Variants in ZFPM2 observed in about 807,000 individuals in gnomAD.
ZFPM2 encodes the protein zinc finger protein ZFPM2.
ZFPM2 carries 20 observed loss-of-function variants against 98.6 expected under a neutral mutation model. That is an observed-to-expected ratio of 0.20 (90% CI 0.14 to 0.29). ZFPM2 has a LOEUF of 0.29. Ranked by LOEUF, ZFPM2 falls within the 10% of genes least tolerant of loss-of-function variation. The pLI is 1.00. For missense variants in ZFPM2, 1,310 were observed against 1,388.6 expected (o/e 0.94, Z 0.90); for synonymous variants, 518 against 502.7 (o/e 1.03, Z -0.41).
intron 3 of ZFPM2, among the ~76,000 whole-genome samples, chr8:105,540,393 T>G (rs983728384): frequency 1.3e-5 from 2 of 152,110 alleles, no homozygotes; most frequent in Non-Finnish European, 2.9e-5. Context: ...CTGCTTCATA[T>G]GGTTTTTATA....
intron 1 of ZFPM2, among the ~76,000 whole-genome samples, chr8:105,363,654 A>G (rs546108370): frequency 6.6e-6 from 1 of 152,166 alleles, no homozygotes; most frequent in Admixed American, 6.5e-5. Context: ...GTCTCTTACC[A>G]TGAGGCCATG....
At chr8:105,517,740 CA>C (rs1273686877) in intron 3 of ZFPM2, among the ~76,000 whole-genome samples, 3 of 151,410 alleles carry the variant, frequency 2.0e-5, no homozygotes, top group East Asian at 2.0e-4. Context: ...CACACACACA[CA>C]CCCCTAGTTG....
intron 4 of ZFPM2, among the ~76,000 whole-genome samples, chr8:105,584,893 T>A (rs1487776599): frequency 6.6e-6 from 1 of 152,162 alleles, no homozygotes; most frequent in Non-Finnish European, 1.5e-5. Flanking sequence ...AGGTAGAACG[T>A]TGGTTATGAT....
chr8:105,660,651 T>C (rs1817370806), intron 5 of ZFPM2, among the ~76,000 whole-genome samples: 1 of 152,198 alleles, frequency 6.6e-6, no homozygotes, highest in Non-Finnish European at 1.5e-5. Context: ...AAACATGCTC[T>C]TCTTTAATAA....
intron 5 of ZFPM2, among the ~76,000 whole-genome samples, chr8:105,719,324 G>A (rs1398543181): frequency 6.6e-6 from 1 of 151,740 alleles, no homozygotes; most frequent in Admixed American, 6.6e-5. Context: ...CACTCCTCTT[G>A]TAAGTGATAC....
chr8:105,764,287 G>GAC (rs59943408), intron 5 of ZFPM2, among the ~76,000 whole-genome samples: 30,671 of 139,358 alleles, frequency 0.22, 3,355 homozygotes, highest in Middle Eastern at 0.33. Flanking sequence ...CTCTCTCTCT[G>GAC]ACACACACAC....
chr8:105,718,308 T>A (rs2130990418), intron 5 of ZFPM2, among the ~76,000 whole-genome samples: 1 of 152,040 alleles, frequency 6.6e-6, no homozygotes, highest in Non-Finnish European at 1.5e-5. Flanking sequence ...CAGGAATATC[T>A]TGGTTAGTTG....
chr8:105,766,321 G>A (rs767901658), intron 5 of ZFPM2, among the ~76,000 whole-genome samples: 1 of 151,860 alleles, frequency 6.6e-6, no homozygotes, highest in African/African-American at 2.4e-5. Flanking sequence ...CATGTTATCT[G>A]TTTAGATCAG....
chr8:105,530,976 T>C (rs1814285810), intron 3 of ZFPM2, among the ~76,000 whole-genome samples: 1 of 152,180 alleles, frequency 6.6e-6, no homozygotes, highest in South Asian at 2.1e-4. Context: ...TCAATATATA[T>C]TTAATGAAGT....
At chr8:105,324,534 A>C (rs1487268985) in intron 1 of ZFPM2, among the ~76,000 whole-genome samples, 1 of 151,930 alleles carries the variant, frequency 6.6e-6, no homozygotes. Context: ...CACTGGAAAA[A>C]GTTTTAAGAG....
chr8:105,677,803 GA>G (rs973558804), intron 5 of ZFPM2, among the ~76,000 whole-genome samples: 1 of 152,110 alleles, frequency 6.6e-6, no homozygotes, highest in Admixed American at 6.6e-5. Flanking sequence ...TTTTACAGCT[GA>G]AAACTGGGAA....
intron 3 of ZFPM2, among the ~76,000 whole-genome samples, chr8:105,472,274 A>G (rs1340638580): frequency 1.3e-5 from 2 of 152,224 alleles, no homozygotes; most frequent in Non-Finnish European, 2.9e-5. Flanking sequence ...CATTAAAGCT[A>G]CTGGGGAATC....
chr8:105,602,766 T>C (rs1165060559), intron 4 of ZFPM2, among the ~76,000 whole-genome samples: 1 of 152,106 alleles, frequency 6.6e-6, no homozygotes, highest in Non-Finnish European at 1.5e-5. Context: ...CTGAGTATTT[T>C]ATGTAATATA....
chr8:105,590,345 T>C (rs1257260789), intron 4 of ZFPM2, among the ~76,000 whole-genome samples: 1 of 152,172 alleles, frequency 6.6e-6, no homozygotes, highest in Non-Finnish European at 1.5e-5. Flanking sequence ...AAGAGACCTG[T>C]GGAGGATAAT....
intron 1 of ZFPM2, among the ~76,000 whole-genome samples, chr8:105,322,116 T>A (rs1177790026): frequency 1.3e-5 from 2 of 152,096 alleles, no homozygotes; most frequent in Non-Finnish European, 2.9e-5. Flanking sequence ...GGGAGGTGTT[T>A]GGTGTGGGAG....
chr8:105,392,828 G>A (rs913185372), intron 1 of ZFPM2, among the ~76,000 whole-genome samples: 4 of 152,260 alleles, frequency 2.6e-5, no homozygotes, highest in Admixed American at 1.3e-4. Context: ...ATCTATAAGT[G>A]AGAGATTGTA....
chr8:105,706,140 T>C (rs1463622795), intron 5 of ZFPM2, among the ~76,000 whole-genome samples: 3 of 152,048 alleles, frequency 2.0e-5, no homozygotes, highest in African/African-American at 7.2e-5. Flanking sequence ...ACCACCCAGA[T>C]AGTAAGAGAA....
chr8:105,462,955 T>C (rs1812729964), intron 3 of ZFPM2, among the ~76,000 whole-genome samples: 1 of 152,132 alleles, frequency 6.6e-6, no homozygotes, highest in Non-Finnish European at 1.5e-5. Context: ...TTGAAAAATA[T>C]AATTTAGTCA....
At chr8:105,757,212 G>A (rs576541641) in intron 5 of ZFPM2, among the ~76,000 whole-genome samples, 70 of 152,200 alleles carry the variant, frequency 4.6e-4, no homozygotes, top group African/African-American at 1.6e-3. Flanking sequence ...TTAGAGTGAC[G>A]TCTAAAGGCA....
Sources: gnomAD v4.1 joint callset for allele counts (sites outside exome capture counted in the v4.1 genomes callset) on GRCh38, gnomAD v4.1.1 for gene constraint, MANE v1.5 for transcripts, NCBI Gene and HGNC (gene_info 2026-07-23, HGNC 2026-07-21) for gene names.